Variants in TRMT9B observed in about 807,000 individuals in gnomAD.
The protein encoded by TRMT9B is tRNA methyltransferase 9B (putative).
TRMT9B carries 16 observed loss-of-function variants against 11.5 expected under a neutral mutation model. The observed-to-expected ratio is 1.39, with a 90% CI of 0.94 to 2.11. TRMT9B has a LOEUF of 2.11. Ranked by LOEUF, TRMT9B falls within the 30% of genes most tolerant of loss-of-function variation. The pLI is 0.00. For missense variants in TRMT9B, 941 were observed against 553.8 expected, an observed-to-expected ratio of 1.70 and a Z score of -7.02; for synonymous variants, 274 against 192.4, an observed-to-expected ratio of 1.42 and a Z score of -3.51.
At chr8:12,949,368 T>C (rs981346881) in intron 1 of TRMT9B, among the ~76,000 whole-genome samples, 8 of 152,206 alleles carry the variant, frequency 5.3e-5, no homozygotes, top group African/African-American at 1.9e-4. Flanking sequence ...CAGTCATTTT[T>C]TATCCTTTCC....
intron 3 of TRMT9B, chr8:13,011,305 C>A: frequency 1.0e-6 from 1 of 985,176 alleles, no homozygotes; most frequent in Non-Finnish European, 1.2e-6. Context: ...ATTTTTTATT[C>A]ATATATTCTC....
intron 1 of TRMT9B, among the ~76,000 whole-genome samples, chr8:12,950,709 C>T (rs1416496828): frequency 1.3e-5 from 2 of 152,176 alleles, no homozygotes; most frequent in African/African-American, 2.4e-5. Flanking sequence ...GAATCAGAAA[C>T]TATATGCTGA....
At chr8:12,999,271 C>T (rs1233466798) in intron 2 of TRMT9B, among the ~76,000 whole-genome samples, 1 of 145,824 alleles carries the variant, frequency 6.9e-6, no homozygotes. Context: ...CGCACTCCAG[C>T]CTGGGTGACA....
In TRMT9B at chr8:13,028,592, T is replaced by TC. The variant is rs1394653717; in HGVS notation, c.*6548_*6549insC. The TC allele has an allele frequency of 2.0e-5, 3 of 149,416 alleles. No homozygotes were observed. The highest frequency in any genetic ancestry group is 7.6e-5 in the African/African-American group (3 of 39,700). The allele number at this position is 149,416 out of a possible 1,614,324, so 9.3% of individuals were successfully genotyped here. A position where few individuals can be genotyped will look rare whatever the true frequency, so the allele number is the denominator to read the frequency against. On this transcript the variant is annotated 3_prime_UTR_variant, in exon 5 of 5. Coordinates refer to ENST00000524591, the MANE Select transcript of TRMT9B (RefSeq NM_020844.3). ...TTCTTTTCTTTTTTTTTTTTTTTTT[T>TC]TGAGACAGTGTCTCACTCTGTCACC...
chr8:13,015,561 C>A (rs1360461272), intron 4 of TRMT9B, among the ~76,000 whole-genome samples: 1 of 121,880 alleles, frequency 8.2e-6, no homozygotes, highest in African/African-American at 3.3e-5. Context: ...GCCATATTGT[C>A]CAGGCTGGTC....
chr8:12,986,932 C>T (rs10101284), intron 1 of TRMT9B, among the ~76,000 whole-genome samples: 3,683 of 152,328 alleles, frequency 0.024, 157 homozygotes, highest in African/African-American at 0.084. Context: ...GTCTACACTA[C>T]TGCCAGAGGC....
At chr8:13,010,053 G>A (rs1477751919) in intron 3 of TRMT9B, among the ~76,000 whole-genome samples, 1 of 151,720 alleles carries the variant, frequency 6.6e-6, no homozygotes, top group African/African-American at 2.4e-5. Context: ...TAGGAGGACA[G>A]ATTGAGTCTG....
rs1221833853 is a variant in TRMT9B at position 12,990,968 on chromosome 8, G to A, written c.-65G>A. 5 of 1,288,032 alleles carry A rather than the reference G, an allele frequency of 3.9e-6. No homozygotes were observed. Among genetic ancestry groups the A allele is most frequent in the Non-Finnish European group, 5.1e-6 (5 of 987,912 alleles). 79.8% of individuals were successfully genotyped at this position (1,288,032 alleles called of 1,614,324 possible). ...TGAGAAGCAACTGTCACTCTCTGGAGGTGGAGACTGCCGTGATTCACAAAG... is the reference window on the plus strand; with the variant it reads ...TGAGAAGCAACTGTCACTCTCTGGAAGTGGAGACTGCCGTGATTCACAAAG... On this transcript the variant is annotated 5_prime_UTR_variant, in exon 2 of 5. Coordinates refer to ENST00000524591, the MANE Select transcript of TRMT9B (RefSeq NM_020844.3).
At chr8:13,002,111 A>T (rs959709941) in intron 2 of TRMT9B, among the ~76,000 whole-genome samples, 2 of 152,252 alleles carry the variant, frequency 1.3e-5, no homozygotes, top group Non-Finnish European at 2.9e-5. Flanking sequence ...ACTTAAAAAT[A>T]ACTATCTTTT....
At chr8:12,968,083 C>T (rs1185293532) in intron 1 of TRMT9B, among the ~76,000 whole-genome samples, 1 of 152,194 alleles carries the variant, frequency 6.6e-6, no homozygotes, top group Non-Finnish European at 1.5e-5. Flanking sequence ...TGGGATTTCA[C>T]CATGTTGTCC....
chr8:12,984,599 C>T (rs533848164), intron 1 of TRMT9B, among the ~76,000 whole-genome samples: 165 of 152,246 alleles, frequency 1.1e-3, no homozygotes, highest in African/African-American at 3.3e-3. Flanking sequence ...AAGTGCCTTT[C>T]GTATGTAATA....
chr8:12,978,750 A>T, intron 1 of TRMT9B, among the ~76,000 whole-genome samples: 1 of 152,332 alleles, frequency 6.6e-6, no homozygotes, highest in Non-Finnish European at 1.5e-5. Context: ...GCCACCACTG[A>T]GTCCAGGTTT....
chr8:13,012,824 G>T lies in TRMT9B; in HGVS notation c.295G>T (p.Asp99Tyr). 1.2e-6 allele frequency: 2 copies of T among 1,613,924 alleles called. No individual in the cohort carries two copies. Among genetic ancestry groups the T allele is most frequent in the South Asian group, 1.1e-5 (1 of 91,074 alleles). Residue 99 changes from aspartate (D) to tyrosine (Y), a missense_variant, in exon 4 of 5, where the codon GAT (aspartate) becomes TAT (tyrosine). Transcript: ENST00000524591. Reference sequence around the variant, plus strand: ...TGACAACCTTAATCTCCCCTTTAGGGATGAGGGCTTCGATGCCATCATCTC... The same window carrying T: ...TGACAACCTTAATCTCCCCTTTAGGTATGAGGGCTTCGATGCCATCATCTC... ...VCDNLNLPFR[D>Y]EGFDAIISIG...
intron 1 of TRMT9B, among the ~76,000 whole-genome samples, chr8:12,984,946 C>T (rs1806001351): frequency 7.1e-6 from 1 of 141,312 alleles, no homozygotes; most frequent in South Asian, 2.2e-4. Flanking sequence ...CAACCACCTC[C>T]CTCAACATAC....
intron 3 of TRMT9B, chr8:13,011,474 A>G (rs1214597209): frequency 4.1e-6 from 4 of 984,676 alleles, no homozygotes; most frequent in Non-Finnish European, 4.8e-6. Context: ...AGGTAGAAAA[A>G]TTTCATCAGT....
At chr8:12,970,153 A>G (rs565693478) in intron 1 of TRMT9B, 1 of 152,302 alleles carries the variant, frequency 6.6e-6, no homozygotes, top group South Asian at 2.1e-4. Context: ...TCTTCCAGGT[A>G]TGTGCAAAGT....
rs1435577897 is a variant in TRMT9B, at chr8:13,024,727, T to G, written c.*2683T>G. The G allele has an allele frequency of 6.0e-6, 1 of 167,086 alleles. No individual in the cohort carries two copies. Among genetic ancestry groups the G allele is most frequent in the Non-Finnish European group, 1.5e-5 (1 of 68,128 alleles). 10.4% of individuals were successfully genotyped at this position (167,086 alleles called of 1,614,324 possible). On this transcript the variant is annotated 3_prime_UTR_variant, in exon 5 of 5. Coordinates refer to ENST00000524591, the MANE Select transcript of TRMT9B (RefSeq NM_020844.3). ...GGAGAGAAATATTTTCATGTACGTTTGACAGGGGTGTAAATAAAGCATGCT... is the reference window on the plus strand; with the variant it reads ...GGAGAGAAATATTTTCATGTACGTTGGACAGGGGTGTAAATAAAGCATGCT...
At chr8:13,001,780 C>T (rs1014303290) in intron 2 of TRMT9B, among the ~76,000 whole-genome samples, 1 of 152,160 alleles carries the variant, frequency 6.6e-6, no homozygotes, top group Non-Finnish European at 1.5e-5. Flanking sequence ...AGGAGGGACA[C>T]AATGTGAGGC....
chr8:12,975,121 G>A (rs1171486573), intron 1 of TRMT9B, among the ~76,000 whole-genome samples: 1 of 151,912 alleles, frequency 6.6e-6, no homozygotes, highest in Non-Finnish European at 1.5e-5. Context: ...GAGAGAAGCT[G>A]TTAATTGTCC....
Sources: gnomAD v4.1 joint callset for allele counts (sites outside exome capture counted in the v4.1 genomes callset) on GRCh38, gnomAD v4.1.1 for gene constraint, MANE v1.5 for transcripts, NCBI Gene and HGNC (gene_info 2026-07-23, HGNC 2026-07-21) for gene names.